The following CMTR1 variants were observed in gnomAD, a reference collection of about 807,000 sequenced individuals.
CMTR1 encodes the protein cap-specific mRNA (nucleoside-2'-O-)-methyltransferase 1.
CMTR1 carries 39 observed loss-of-function variants against 107.0 expected under a neutral mutation model. The ratio of observed to expected loss-of-function variants is 0.36; its 90% confidence interval spans 0.28 to 0.48. The LOEUF (loss-of-function observed/expected upper bound fraction) is 0.48. Among genes scored for constraint, CMTR1 ranks in the 20% least tolerant of loss-of-function variants. CMTR1 has a pLI of 0.99. For missense variants in CMTR1, 672 were observed against 1,064.9 expected, an observed-to-expected ratio of 0.63 and a Z score of 5.14; for synonymous variants, 366 against 379.5, an observed-to-expected ratio of 0.96 and a Z score of 0.41.
At chr6:37,475,458 C>A (rs1444851649) in intron 19 of CMTR1, 46 bp downstream of exon 19, 3 of 1,551,192 alleles carry the variant, frequency 1.9e-6, no homozygotes, top group African/African-American at 2.7e-5. Flanking sequence ...TAGGCCAGGG[C>A]AGCTTGGGAG....
intron 13 of CMTR1, among the ~76,000 whole-genome samples, chr6:37,469,841 T>C (rs1232860585): frequency 6.6e-6 from 1 of 151,906 alleles, no homozygotes; most frequent in Admixed American, 6.6e-5. Flanking sequence ...TATATTGTTT[T>C]ATTCTTTCCT....
chr6:37,477,326 C>T (rs1355257618), intron 20 of CMTR1, among the ~76,000 whole-genome samples: 3 of 152,210 alleles, frequency 2.0e-5, no homozygotes, highest in East Asian at 3.8e-4. Context: ...CTCTTTCTCC[C>T]TCCTGTCTTC....
rs1341642515 is a variant in CMTR1, at chr6:37,435,690, G to T, written c.61G>T (p.Ala21Ser). 7.5e-6 allele frequency: 12 copies of T among 1,603,278 alleles called. No individual in the cohort carries two copies. Among genetic ancestry groups the T allele is most frequent in the Non-Finnish European group, 9.4e-6 (11 of 1,175,944 alleles). ...CATCAAGAAACAGAAAAAAAGAGTT[G>T]CAGAGCTTGCCCTGAGCCTCAGCTC... The part of the protein sequence containing the change: ...APIKKQKKRV[A>S]ELALSLSSTS... The change falls in exon 2 of 24, where the codon GCA becomes TCA. Residue 21 changes from alanine to serine, a missense_variant. This residue lies in a region of CMTR1 where 89 missense variants were observed against 96.6 expected (regional missense o/e 0.92). Coordinates refer to ENST00000373451, the MANE Select transcript of CMTR1 (RefSeq NM_015050.3).
chr6:37,446,819 ACTCT>A lies in CMTR1; in HGVS notation c.444+374_444+377del, dbSNP rs1203276822. Among the ~76,000 whole-genome samples the A allele has an allele frequency of 5.9e-5, 9 of 152,300 alleles. No individual in the cohort carries two copies. In the East Asian group the frequency reaches 1.7e-3, roughly 29 times the overall value. The stretch of plus-strand genomic sequence containing the variant: ...GTTCAGGCAGGCCAAGGGAGCACCC[ACTCT>A]CTCACTGTGTGAGTAACTGGAGTAG... On this transcript the variant is annotated intron_variant, in intron 4 of 23. Transcript: ENST00000373451.
At chr6:37,475,441 G>C (rs769590539) in intron 19 of CMTR1, 29 bp downstream of exon 19, 2 of 1,520,338 alleles carry the variant, frequency 1.3e-6, no homozygotes, top group Non-Finnish European at 1.8e-6. Flanking sequence ...GGTAGGGAGG[G>C]TGGGGGTAGG....
chr6:37,436,747 G>T (rs981401324), intron 2 of CMTR1, among the ~76,000 whole-genome samples: 13 of 152,086 alleles, frequency 8.5e-5, no homozygotes, highest in African/African-American at 3.1e-4. Context: ...TACATTTGAT[G>T]TAATCTGGAA....
chr6:37,444,751 G>A lies in CMTR1; in HGVS notation c.285+601G>A, dbSNP rs111277225. ...TAGAAATATTATAGTTGGGCCAGGC[G>A]CAGTGGCTCACGTCTGTAATCCCAG... is the stretch of plus-strand genomic sequence containing the variant. On this transcript the variant is annotated intron_variant, in intron 3 of 23. Transcript: ENST00000373451. Among the ~76,000 whole-genome samples, 631 of 152,252 alleles carry A rather than the reference G, an allele frequency of 4.1e-3. 3 individuals are homozygous for A. The highest frequency in any genetic ancestry group is 0.015 in the African/African-American group (604 of 41,520).
At chr6:37,445,347 G>A (rs146130018) in intron 3 of CMTR1, among the ~76,000 whole-genome samples, 2 of 152,234 alleles carry the variant, frequency 1.3e-5, no homozygotes, top group Non-Finnish European at 2.9e-5. Context: ...AGTCTGTGGG[G>A]TTTGGGATTC....
chr6:37,452,907 A>C lies in CMTR1; in HGVS notation c.610-140A>C, dbSNP rs959668585. 21 of 729,052 alleles carry C rather than the reference A, an allele frequency of 2.9e-5. No individual in the cohort carries two copies. In the African/African-American group the frequency reaches 3.5e-4, roughly 12 times the overall value. 45.2% of individuals were successfully genotyped at this position (729,052 alleles called of 1,614,324 possible). Reference sequence around the variant, plus strand: ...GAGAGAGTTATTGAGCAGCCTGTGTAGGGTCACACAGTGAGACATTTCAGA... The same window carrying C: ...GAGAGAGTTATTGAGCAGCCTGTGTCGGGTCACACAGTGAGACATTTCAGA... On this transcript the variant is annotated intron_variant, in intron 6 of 23. Coordinates refer to ENST00000373451, the MANE Select transcript of CMTR1 (RefSeq NM_015050.3).
chr6:37,434,927 T>C (rs1403443949), intron 1 of CMTR1, among the ~76,000 whole-genome samples: 1 of 152,182 alleles, frequency 6.6e-6, no homozygotes, highest in African/African-American at 2.4e-5. Context: ...CCACTCTTTT[T>C]TGTGGAGGTG....
In CMTR1 at chr6:37,477,595, G is replaced by A; in HGVS notation, c.2109G>A (p.Val703=). 1.2e-6 allele frequency: 2 copies of A among 1,613,732 alleles called. No homozygotes were observed. The highest frequency in any genetic ancestry group is 1.6e-4 in the Middle Eastern group (1 of 6,062). Reference sequence around the variant, plus strand: ...GTCTCTGTCCCTCTACCTGCAGGGTGAAGGAGGTGTACAGACTGGAAGAGA... The same window carrying A: ...GTCTCTGTCCCTCTACCTGCAGGGTAAAGGAGGTGTACAGACTGGAAGAGA... The part of the protein sequence containing the change: ...PSRPDMNPIR[V]KEVYRLEEME... The change falls in exon 21 of 24, where the codon GTG becomes GTA. Residue 703 remains valine, a synonymous_variant. Transcript: ENST00000373451.
chr6:37,430,822 G>A (rs1771352002), upstream of CMTR1, among the ~76,000 whole-genome samples: 2 of 152,026 alleles, frequency 1.3e-5, no homozygotes, highest in Admixed American at 1.3e-4. Context: ...AGACCATCCT[G>A]GCTAACACGG....
At chr6:37,443,877 A>G in intron 2 of CMTR1, 122 bp from the exon 3 acceptor site, 3 of 1,093,848 alleles carry the variant, frequency 2.7e-6, no homozygotes, top group Non-Finnish European at 3.8e-6. Flanking sequence ...ACCTTGGGTC[A>G]TTTAATGAAC....
At chr6:37,477,325 C>T (rs11756241) in intron 20 of CMTR1, among the ~76,000 whole-genome samples, 60,131 of 152,122 alleles carry the variant, frequency 0.4, 14,798 homozygotes, top group Middle Eastern at 0.6. Context: ...CCTCTTTCTC[C>T]CTCCTGTCTT....
Position 37,480,105 on chromosome 6 carries a change from A to C in CMTR1, c.2468A>C (p.Lys823Thr). The change falls in exon 24 of 24, where the codon AAG (lysine) becomes ACG (threonine). Residue 823 changes from lysine to threonine, a missense_variant. Lys to Thr is a moderately conservative substitution (Grantham distance 78). This residue lies in a region of CMTR1 where 583 missense variants were observed against 968.4 expected (regional missense o/e 0.60). Transcript: ENST00000373451. ...CCCCAGGACCAGGACAAGCTGTCCA[A>C]GGAGGACGTCCTCTCCTTCATCCAG... ...QKPQDQDKLS[K>T]EDVLSFIQMH... The C allele has an allele frequency of 1.3e-6, 2 of 1,599,868 alleles. No individual in the cohort carries two copies. The highest frequency in any genetic ancestry group is 1.7e-6 in the Non-Finnish European group (2 of 1,173,904).
At chr6:37,454,247 C>G (rs1232044421) in intron 8 of CMTR1, among the ~76,000 whole-genome samples, 1 of 152,200 alleles carries the variant, frequency 6.6e-6, no homozygotes, top group African/African-American at 2.4e-5. Context: ...CCCTGATTAT[C>G]CACTGGCTAA....
At chr6:37,428,880 T>G (rs1450092070), upstream of CMTR1, among the ~76,000 whole-genome samples, 1 of 152,162 alleles carries the variant, frequency 6.6e-6, no homozygotes, top group Non-Finnish European at 1.5e-5. Context: ...GGAAGTGGAT[T>G]TCTTTGGGCA....
In CMTR1 at chr6:37,481,209, CA is replaced by C. The variant is rs1201429777; in HGVS notation, c.*1065del. 1 of 1,268,426 alleles carries C rather than the reference CA, an allele frequency of 7.9e-7. No individual in the cohort carries two copies. The highest frequency in any genetic ancestry group is 1.6e-5 in the African/African-American group (1 of 63,028). The allele number at this position is 1,268,426 out of a possible 1,614,324, so 78.6% of individuals were successfully genotyped here. On this transcript the variant is annotated 3_prime_UTR_variant, in exon 24 of 24. Coordinates refer to ENST00000373451, the MANE Select transcript of CMTR1 (RefSeq NM_015050.3). Reference sequence around the variant, plus strand: ...AACACAGAGAGGAGGGGGAGCTGGGCAGTAGCTTGGGGTGGGGGTGGGCACC... The same window carrying C: ...AACACAGAGAGGAGGGGGAGCTGGGCGTAGCTTGGGGTGGGGGTGGGCACC...
At chr6:37,464,892 C>CTGTG (rs61375488) in intron 13 of CMTR1, among the ~76,000 whole-genome samples, 5,210 of 148,328 alleles carry the variant, frequency 0.035, 155 homozygotes, top group African/African-American at 0.08. Flanking sequence ...TTCTAAAACG[C>CTGTG]TGTGTGTGTG....
Sources: allele counts gnomAD v4.1 joint callset (sites outside exome capture counted in the v4.1 genomes callset), GRCh38; gene constraint gnomAD v4.1.1; regional missense constraint gnomAD v4.1.1; transcripts MANE v1.5; gene names NCBI Gene and HGNC (gene_info 2026-07-23, HGNC 2026-07-21).